The following RBFOX1 variants were observed in gnomAD, a reference collection of about 807,000 sequenced individuals.
RBFOX1 encodes the protein RNA binding protein fox-1 homolog 1.
In RBFOX1, 8 loss-of-function variants were observed where a neutral mutation model predicts 57.7. The ratio of observed to expected loss-of-function variants is 0.14; its 90% CI spans 0.08 to 0.25. The LOEUF is 0.25. Among genes scored for constraint, RBFOX1 ranks in the 10% least tolerant of loss-of-function variants. The probability of loss-of-function intolerance (pLI) is 1.00; values close to 1 mark genes in which losing one functional copy is unlikely to be tolerated. For synonymous variants in RBFOX1, 326 were observed against 222.4 expected, an observed-to-expected ratio of 1.47 and a Z score of -4.15; for missense variants, 611 against 548.5, an observed-to-expected ratio of 1.11 and a Z score of -1.14.
chr16:6,023,594 G>A (rs184186806), intron 1 of RBFOX1, among the ~76,000 whole-genome samples: 23 of 152,242 alleles, frequency 1.5e-4, no homozygotes, highest in African/African-American at 4.8e-4. Context: ...CTTTGGAGAC[G>A]CAGCGATTTC....
intron 4 of RBFOX1, among the ~76,000 whole-genome samples, chr16:7,455,101 ATT>A (rs764349168): frequency 5.3e-5 from 8 of 152,168 alleles, no homozygotes; most frequent in Non-Finnish European, 1.2e-4. Context: ...AGACCATTGT[ATT>A]TTCTGCCATC....
chr16:6,910,142 C>A (rs1421579783), intron 3 of RBFOX1, among the ~76,000 whole-genome samples: 1 of 151,894 alleles, frequency 6.6e-6, no homozygotes, highest in Non-Finnish European at 1.5e-5. Flanking sequence ...GGCATTCTAG[C>A]GGGGCTTTGA....
At chr16:6,377,162 C>G (rs2091282650) in intron 2 of RBFOX1, among the ~76,000 whole-genome samples, 2 of 150,972 alleles carry the variant, frequency 1.3e-5, no homozygotes, top group South Asian at 4.2e-4. Flanking sequence ...GTAGGCCCAG[C>G]TACTTGGAGG....
chr16:6,465,006 A>G (rs1293285627), intron 2 of RBFOX1, among the ~76,000 whole-genome samples: 1 of 152,228 alleles, frequency 6.6e-6, no homozygotes, highest in African/African-American at 2.4e-5. Context: ...TAACATGGTC[A>G]TAATAAACAC....
intron 4 of RBFOX1, among the ~76,000 whole-genome samples, chr16:7,109,185 G>A (rs1268339118): frequency 2.0e-5 from 3 of 152,096 alleles, no homozygotes; most frequent in Non-Finnish European, 2.9e-5. Context: ...CTTAAAAGTG[G>A]AAAAATAGAT....
intron 4 of RBFOX1, among the ~76,000 whole-genome samples, chr16:7,377,686 A>T (rs2097709429): frequency 6.6e-6 from 1 of 152,236 alleles, no homozygotes; most frequent in African/African-American, 2.4e-5. Context: ...TTCCACATAT[A>T]TTTGTAGAGA....
chr16:5,382,709 T>G (rs1041799213), intron 1 of RBFOX1, among the ~76,000 whole-genome samples: 3 of 152,228 alleles, frequency 2.0e-5, no homozygotes, highest in Non-Finnish European at 4.4e-5. Context: ...AAACCCGTGT[T>G]CTGATTCAGT....
At chr16:6,993,470 A>G (rs2091818979) in intron 3 of RBFOX1, among the ~76,000 whole-genome samples, 2 of 152,122 alleles carry the variant, frequency 1.3e-5, no homozygotes, top group Admixed American at 6.6e-5. Context: ...GGAAGGGGAG[A>G]TGGGGAAAGC....
chr16:6,767,914 C>CAATAATGAT (rs2077570557), intron 3 of RBFOX1, among the ~76,000 whole-genome samples: 1 of 118,026 alleles, frequency 8.5e-6, no homozygotes, highest in Non-Finnish European at 1.7e-5. Flanking sequence ...GACTCTATCT[C>CAATAATGAT]AATAATAATA....
chr16:5,374,830 A>G (rs2065945104), intron 1 of RBFOX1, among the ~76,000 whole-genome samples: 2 of 151,976 alleles, frequency 1.3e-5, no homozygotes, highest in Non-Finnish European at 2.9e-5. Flanking sequence ...TTTGAATTCT[A>G]CCAATAAAAT....
rs541554932 is a variant in RBFOX1, at chr16:7,171,613, T to C, written c.27+119515T>C. Among the ~76,000 whole-genome samples, 9 of 152,312 alleles carry C rather than the reference T, an allele frequency of 5.9e-5. No individual in the cohort carries two copies. In the East Asian group the frequency reaches 1.5e-3, roughly 26 times the overall value. ...CTTTATGTTCTGAACCGTGGTGTCT[T>C]TATCAATGACATGGAAGGGGCCATT... On this transcript the variant is annotated intron_variant, in intron 4 of 15. Transcript: ENST00000550418.
chr16:7,015,843 A>T (rs1042975736), intron 3 of RBFOX1, among the ~76,000 whole-genome samples: 2 of 152,060 alleles, frequency 1.3e-5, no homozygotes, highest in East Asian at 1.9e-4. Flanking sequence ...ACAATAAGCA[A>T]TTGTGAAATA....
At chr16:7,075,701 C>G (rs942217167) in intron 4 of RBFOX1, among the ~76,000 whole-genome samples, 3 of 152,170 alleles carry the variant, frequency 2.0e-5, no homozygotes, top group South Asian at 2.1e-4. Context: ...CTGCCTCAGT[C>G]TCCCGAGTAG....
At chr16:6,770,390 G>C (rs1468300385) in intron 3 of RBFOX1, among the ~76,000 whole-genome samples, 1 of 152,094 alleles carries the variant, frequency 6.6e-6, no homozygotes, top group East Asian at 1.9e-4. Flanking sequence ...ACTCCACTTG[G>C]ATTATTATTA....
intron 3 of RBFOX1, among the ~76,000 whole-genome samples, chr16:6,960,136 G>C (rs1331693844): frequency 1.3e-5 from 2 of 152,036 alleles, no homozygotes; most frequent in Non-Finnish European, 2.9e-5. Context: ...CAGGTCTTGA[G>C]AAATAAGTTT....
At chr16:7,710,136 A>G (rs2083741113) in intron 15 of RBFOX1, 1 of 1,020,604 alleles carries the variant, frequency 9.8e-7, no homozygotes, top group Non-Finnish European at 1.2e-6. Flanking sequence ...CAACTCCACA[A>G]CTCCCTTCTC....
At chr16:5,558,118 C>T (rs150064395) in intron 2 of RBFOX1, among the ~76,000 whole-genome samples, 2 of 152,300 alleles carry the variant, frequency 1.3e-5, no homozygotes, top group African/African-American at 2.4e-5. Flanking sequence ...ATACCTTGTA[C>T]TCATCCTCCC....
At chr16:5,839,231 C>T (rs1469515642) in intron 3 of RBFOX1, among the ~76,000 whole-genome samples, 2 of 152,178 alleles carry the variant, frequency 1.3e-5, no homozygotes, top group Non-Finnish European at 1.5e-5. Flanking sequence ...AGCTATATTT[C>T]CCCATCCTCT....
At chr16:5,918,567 T>A (rs1401387800) in intron 4 of RBFOX1, among the ~76,000 whole-genome samples, 1 of 152,242 alleles carries the variant, frequency 6.6e-6, no homozygotes, top group Non-Finnish European at 1.5e-5. Flanking sequence ...CCTCACTATC[T>A]ATAACAAAAT....
Sources: gnomAD v4.1 joint callset for allele counts (sites outside exome capture counted in the v4.1 genomes callset) on GRCh38, gnomAD v4.1.1 for gene constraint, MANE v1.5 for transcripts, NCBI Gene and HGNC (gene_info 2026-07-23, HGNC 2026-07-21) for gene names.